Variants in PDILT observed in about 807,000 individuals in gnomAD.
The protein encoded by PDILT is protein disulfide isomerase like, testis expressed.
A neutral mutation model predicts 53.7 loss-of-function variants in PDILT; 43 were observed. That is an observed-to-expected ratio of 0.80 (90% confidence interval 0.63 to 1.03). The LOEUF (loss-of-function observed/expected upper bound fraction) is 1.03. Among genes scored for constraint, PDILT ranks in the 50% least tolerant of loss-of-function variants. PDILT has a pLI of 0.00. For missense variants in PDILT, 727 were observed against 712.3 expected, an observed-to-expected ratio of 1.02 and a Z score of -0.24; for synonymous variants, 282 against 274.2, an observed-to-expected ratio of 1.03 and a Z score of -0.28.
At position 20,399,144 on chromosome 16, in the gene PDILT, G is replaced by A; in HGVS notation, c.157C>T (p.Leu53=). The part of the protein sequence containing the change: ...RSLLVLTPAG[L]TQMLNQTRFL... Reference sequence around the variant, plus strand: ...CGGGTCTGGTTCAGCATCTGGGTCAGGCCAGCGGGCGTTAGCACTAGGAGA... The same window carrying A: ...CGGGTCTGGTTCAGCATCTGGGTCAAGCCAGCGGGCGTTAGCACTAGGAGA... Residue 53 remains leucine (L), a synonymous_variant, in exon 2 of 12, where the codon CTG becomes TTG. Coordinates refer to ENST00000302451, the MANE Select transcript of PDILT (RefSeq NM_174924.2). The A allele has an allele frequency of 6.2e-7, 1 of 1,614,182 alleles. No homozygotes were observed. The highest frequency in any genetic ancestry group is 1.1e-5 in the South Asian group (1 of 91,074).
At chr16:20,362,767 G>C (rs183737019) in intron 9 of PDILT, among the ~76,000 whole-genome samples, 185 bp from the exon 10 acceptor site, 6 of 151,936 alleles carry the variant, frequency 3.9e-5, no homozygotes, top group African/African-American at 1.4e-4. Context: ...ATTGTTATTC[G>C]ATAAATTAGA....
At chr16:20,373,388 G>T (rs889418811) in intron 5 of PDILT, among the ~76,000 whole-genome samples, 2 of 152,156 alleles carry the variant, frequency 1.3e-5, no homozygotes. Flanking sequence ...CCCAGCCATT[G>T]TCATGCTGTG....
At chr16:20,363,475 A>G (rs113294016) in intron 9 of PDILT, among the ~76,000 whole-genome samples, 220 of 110,432 alleles carry the variant, frequency 2.0e-3, no homozygotes, top group Non-Finnish European at 3.3e-3. Flanking sequence ...GTGTATGTGT[A>G]TGTGTGTGTG....
chr16:20,375,577 G>A (rs879907143), intron 4 of PDILT, among the ~76,000 whole-genome samples: 1 of 152,190 alleles, frequency 6.6e-6, no homozygotes, highest in Non-Finnish European at 1.5e-5. Context: ...AGGCTATTAT[G>A]AGACGTTTCA....
At chr16:20,401,363 G>A (rs1304653004) in intron 1 of PDILT, among the ~76,000 whole-genome samples, 2 of 152,126 alleles carry the variant, frequency 1.3e-5, no homozygotes, top group African/African-American at 2.4e-5. Flanking sequence ...TGAGAGAAAC[G>A]GCTGCCTAAG....
At chr16:20,387,525 C>T (rs1353123081) in intron 2 of PDILT, among the ~76,000 whole-genome samples, 1 of 152,178 alleles carries the variant, frequency 6.6e-6, no homozygotes, top group Admixed American at 6.5e-5. Context: ...TCGCAAGCCA[C>T]TGAATAGACT....
At chr16:20,395,254 T>C (rs1966648304) in intron 2 of PDILT, among the ~76,000 whole-genome samples, 1 of 152,224 alleles carries the variant, frequency 6.6e-6, no homozygotes, top group Non-Finnish European at 1.5e-5. Flanking sequence ...CATTCCAGAC[T>C]TCTCAGTTAG....
chr16:20,385,638 A>G lies in PDILT; in HGVS notation c.203-787T>C, dbSNP rs59763536. On this transcript the variant is annotated intron_variant, in intron 2 of 11. Coordinates refer to ENST00000302451, the MANE Select transcript of PDILT (RefSeq NM_174924.2). ...TCAAAAAAAACTGCATATTGGGTAG[A>G]AAGAACATGACTAAGGTGATGGGTG... Among the ~76,000 whole-genome samples the G allele has an allele frequency of 1.8e-3, 270 of 152,246 alleles. 2 individuals are homozygous for G. Among genetic ancestry groups the G allele is most frequent in the East Asian group, 0.013 (66 of 5,170 alleles).
chr16:20,365,365 C>T, intron 9 of PDILT, 55 bp downstream of exon 9: 1 of 1,596,264 alleles, frequency 6.3e-7, no homozygotes, highest in Non-Finnish European at 8.6e-7. Context: ...AGGAGAAACA[C>T]TTGAAACATA....
chr16:20,394,583 C>T (rs1294241280), intron 2 of PDILT, among the ~76,000 whole-genome samples: 1 of 152,206 alleles, frequency 6.6e-6, no homozygotes, highest in Non-Finnish European at 1.5e-5. Context: ...GTATGTGAAT[C>T]ACTTGAGAAT....
intron 2 of PDILT, among the ~76,000 whole-genome samples, chr16:20,393,097 T>C (rs1324027736): frequency 6.6e-6 from 1 of 152,236 alleles, no homozygotes; most frequent in Non-Finnish European, 1.5e-5. Context: ...GTTTTATCTA[T>C]GTAAACCATT....
chr16:20,391,699 G>A (rs888556933), intron 2 of PDILT, among the ~76,000 whole-genome samples: 6 of 151,964 alleles, frequency 3.9e-5, no homozygotes, highest in African/African-American at 1.5e-4. Context: ...ATAAGATTTG[G>A]CCCCCAACAT....
intron 2 of PDILT, 33 bp downstream of exon 2, chr16:20,399,066 C>G: frequency 6.2e-7 from 1 of 1,613,040 alleles, no homozygotes; most frequent in Non-Finnish European, 8.5e-7. Flanking sequence ...CTCATCCCAT[C>G]TATCATCCAT....
At chr16:20,389,439 C>T (rs910295789) in intron 2 of PDILT, among the ~76,000 whole-genome samples, 1 of 152,164 alleles carries the variant, frequency 6.6e-6, no homozygotes, top group Non-Finnish European at 1.5e-5. Flanking sequence ...TAGGTGGAGA[C>T]TCTTTGGTCT....
chr16:20,394,215 A>G (rs1036914117), intron 2 of PDILT, among the ~76,000 whole-genome samples: 2 of 152,192 alleles, frequency 1.3e-5, no homozygotes, highest in African/African-American at 4.8e-5. Context: ...AGTTAGCCTG[A>G]GCCAAGGCAA....
intron 2 of PDILT, among the ~76,000 whole-genome samples, chr16:20,392,430 G>A (rs1966616155): frequency 6.6e-6 from 1 of 152,180 alleles, no homozygotes; most frequent in Non-Finnish European, 1.5e-5. Flanking sequence ...AGAGAGAAGA[G>A]AAAGCTGGTC....
intron 10 of PDILT, among the ~76,000 whole-genome samples, chr16:20,360,978 C>G (rs890074723): frequency 2.6e-5 from 4 of 152,090 alleles, no homozygotes; most frequent in African/African-American, 9.7e-5. Flanking sequence ...AATATGGAGA[C>G]AAAATAGTAC....
At chr16:20,400,263 T>TG (rs1265992617) in intron 1 of PDILT, among the ~76,000 whole-genome samples, 1 of 151,846 alleles carries the variant, frequency 6.6e-6, no homozygotes, top group Non-Finnish European at 1.5e-5. Flanking sequence ...TTAGTAGAGA[T>TG]GGGGTTCCAC....
intron 8 of PDILT, among the ~76,000 whole-genome samples, chr16:20,366,968 CTT>C (rs1966203252): frequency 1.3e-5 from 1 of 76,056 alleles, no homozygotes; most frequent in Non-Finnish European, 4.1e-5. Context: ...TCCTTCCTTC[CTT>C]CCTTCCTTCC....
Sources: gnomAD v4.1 joint callset for allele counts (sites outside exome capture counted in the v4.1 genomes callset) on GRCh38, gnomAD v4.1.1 for gene constraint, MANE v1.5 for transcripts, NCBI Gene and HGNC (gene_info 2026-07-23, HGNC 2026-07-21) for gene names.